The following HDAC9 variants were observed in gnomAD, a reference collection of about 807,000 sequenced individuals.
The protein encoded by HDAC9 is histone deacetylase 9, also known as MEF-2 interacting transcription repressor (MITR) protein.
A neutral mutation model predicts 139.4 loss-of-function variants in HDAC9; 41 were observed. The observed-to-expected ratio is 0.29, with a 90% CI of 0.23 to 0.38. HDAC9 has a LOEUF of 0.38. Among genes scored for constraint, HDAC9 ranks in the 10% least tolerant of loss-of-function variants. The pLI, the probability that HDAC9 is intolerant of heterozygous loss-of-function variation, is 1.00. For synonymous variants in HDAC9, 517 were observed against 476.2 expected (o/e 1.09, Z -1.12); for missense variants, 1,147 against 1,297.0 (o/e 0.88, Z 1.78).
intron 2 of HDAC9, among the ~76,000 whole-genome samples, chr7:18,497,655 C>T (rs990817938): frequency 9.2e-5 from 14 of 152,092 alleles, no homozygotes; most frequent in African/African-American, 2.7e-4. Flanking sequence ...ACAAGGGCTC[C>T]GGGAGGGTTT....
chr7:18,303,324 A>G (rs1005566008), intron 1 of HDAC9, among the ~76,000 whole-genome samples: 11 of 150,546 alleles, frequency 7.3e-5, no homozygotes, highest in African/African-American at 2.7e-4. Context: ...TTCCTGCCTC[A>G]GCCTTCCGAG....
chr7:18,341,159 G>T (rs1261296170), intron 1 of HDAC9, among the ~76,000 whole-genome samples: 2 of 151,302 alleles, frequency 1.3e-5, no homozygotes, highest in African/African-American at 4.8e-5. Flanking sequence ...CTACCTCCAT[G>T]ACTCTTTTGG....
At chr7:18,653,705 T>C (rs79282792) in intron 11 of HDAC9, among the ~76,000 whole-genome samples, 2,076 of 152,294 alleles carry the variant, frequency 0.014, 47 homozygotes, top group African/African-American at 0.046. Context: ...GTAGATGTTA[T>C]GTTTATGTTC....
intron 2 of HDAC9, among the ~76,000 whole-genome samples, chr7:18,523,915 G>A (rs547315759): frequency 4.3e-3 from 234 of 54,880 alleles, no homozygotes; most frequent in Middle Eastern, 0.01. Context: ...TCCCCGCTCC[G>A]CCCTGCTTCC....
At chr7:18,428,636 C>T (rs1790343794) in intron 1 of HDAC9, among the ~76,000 whole-genome samples, 2 of 152,174 alleles carry the variant, frequency 1.3e-5, no homozygotes, top group African/African-American at 4.8e-5. Flanking sequence ...GAACTGTTGA[C>T]AAGGATGTGG....
chr7:18,621,848 C>G (rs1251859709), intron 6 of HDAC9, among the ~76,000 whole-genome samples: 1 of 152,112 alleles, frequency 6.6e-6, no homozygotes, highest in African/African-American at 2.4e-5. Flanking sequence ...ATTAGAGTAA[C>G]CTGTGTATTT....
At chr7:18,473,166 A>G (rs1794853243) in intron 1 of HDAC9, among the ~76,000 whole-genome samples, 1 of 152,178 alleles carries the variant, frequency 6.6e-6, no homozygotes, top group Non-Finnish European at 1.5e-5. Flanking sequence ...ACCCATTCAA[A>G]AAAAGGCATT....
chr7:18,346,595 GA>G (rs566367206), intron 1 of HDAC9, among the ~76,000 whole-genome samples: 6 of 151,684 alleles, frequency 4.0e-5, no homozygotes, highest in Admixed American at 6.6e-5. Flanking sequence ...GTCATTAAAA[GA>G]AAAAAAATCA....
intron 12 of HDAC9, among the ~76,000 whole-genome samples, chr7:18,692,266 T>C (rs1054576994): frequency 4.6e-5 from 7 of 152,122 alleles, no homozygotes; most frequent in African/African-American, 1.7e-4. Flanking sequence ...ATGAGTTTTG[T>C]AAGCTTCACA....
chr7:18,824,084 G>GAAGAAGAAGAAGAAGAAC (rs1554367982), intron 17 of HDAC9, among the ~76,000 whole-genome samples: 1 of 144,268 alleles, frequency 6.9e-6, no homozygotes, highest in African/African-American at 2.8e-5. Flanking sequence ...AGAAGAAGAA[G>GAAGAAGAAGAAGAAGAAC]AAGAACAAGA....
chr7:18,948,235 AG>A (rs1369757763), intron 23 of HDAC9, among the ~76,000 whole-genome samples: 7 of 150,128 alleles, frequency 4.7e-5, no homozygotes, highest in African/African-American at 1.8e-4. Flanking sequence ...TGTAAAAAAA[AG>A]AAAAAGATAT....
At chr7:18,441,800 A>G (rs1323089831) in intron 1 of HDAC9, among the ~76,000 whole-genome samples, 2 of 152,038 alleles carry the variant, frequency 1.3e-5, no homozygotes, top group Admixed American at 6.6e-5. Flanking sequence ...ACGGAGTCTC[A>G]CTCTGTCGCT....
intron 1 of HDAC9, among the ~76,000 whole-genome samples, chr7:18,438,003 C>A: frequency 6.6e-6 from 1 of 151,498 alleles, no homozygotes; most frequent in East Asian, 1.9e-4. Context: ...TGTCTTTTCA[C>A]TTGGCAACAT....
chr7:18,126,698 A>G (rs920072951), intron 1 of HDAC9, among the ~76,000 whole-genome samples: 13 of 152,134 alleles, frequency 8.5e-5, no homozygotes, highest in Admixed American at 7.2e-4. Flanking sequence ...TTTATTGGCC[A>G]CAGAAAGTCC....
chr7:18,269,648 G>A (rs1298237375), intron 2 of HDAC9, among the ~76,000 whole-genome samples: 1 of 152,114 alleles, frequency 6.6e-6, no homozygotes, highest in Admixed American at 6.6e-5. Context: ...CTTGAGCCCT[G>A]GAGTTGGAGG....
intron 6 of HDAC9, among the ~76,000 whole-genome samples, chr7:18,627,769 C>A (rs1842089955): frequency 6.6e-6 from 1 of 152,152 alleles, no homozygotes; most frequent in South Asian, 2.1e-4. Flanking sequence ...TCTGCCCCAC[C>A]TTTTGACACC....
chr7:18,200,592 C>T (rs773721668), intron 2 of HDAC9, among the ~76,000 whole-genome samples: 19 of 152,136 alleles, frequency 1.2e-4, no homozygotes, highest in East Asian at 1.9e-4. Flanking sequence ...GTAATTCATC[C>T]GCAAGCTAAT....
intron 1 of HDAC9, among the ~76,000 whole-genome samples, chr7:18,460,715 G>C (rs1793764816): frequency 6.6e-6 from 1 of 150,656 alleles, no homozygotes; most frequent in Non-Finnish European, 1.5e-5. Context: ...TTGAACCCAG[G>C]AGGTGGAGGT....
At chr7:18,753,889 A>G (rs947101572) in intron 14 of HDAC9, among the ~76,000 whole-genome samples, 2 of 152,120 alleles carry the variant, frequency 1.3e-5, no homozygotes, top group African/African-American at 2.4e-5. Flanking sequence ...GTCTGACACT[A>G]GAAGTGTTAA....
Sources: gnomAD v4.1 joint callset for allele counts (sites outside exome capture counted in the v4.1 genomes callset) on GRCh38, gnomAD v4.1.1 for gene constraint, MANE v1.5 for transcripts, NCBI Gene and HGNC (gene_info 2026-07-23, HGNC 2026-07-21) for gene names.